The following CYP4Z1 variants were observed in gnomAD, a reference collection of about 807,000 sequenced individuals.
CYP4Z1 encodes the protein cytochrome P450 4Z1.
A neutral mutation model predicts 54.2 loss-of-function variants in CYP4Z1; 41 were observed. The observed-to-expected ratio is 0.76, with a 90% CI of 0.59 to 0.98. The LOEUF (loss-of-function observed/expected upper bound fraction) is 0.98. Ranked by LOEUF, CYP4Z1 falls within the 50% of genes least tolerant of loss-of-function variation. The pLI, the probability that CYP4Z1 is intolerant of heterozygous loss-of-function variation, is 0.00. For synonymous variants in CYP4Z1, 163 were observed against 206.2 expected (o/e 0.79, Z 1.79); for missense variants, 513 against 599.0 (o/e 0.86, Z 1.50).
chr1:47,116,087 A>G (rs1479629919), intron 10 of CYP4Z1, among the ~76,000 whole-genome samples: 1 of 152,120 alleles, frequency 6.6e-6, no homozygotes, highest in African/African-American at 2.4e-5. Context: ...GGGAGAGAAC[A>G]AGCACACTCC....
intron 6 of CYP4Z1, 103 bp from the exon 7 acceptor site, chr1:47,094,463 C>G (rs1644661952): frequency 2.6e-6 from 2 of 766,468 alleles, no homozygotes. Flanking sequence ...TGGGGGGCAG[C>G]CAGGGGCTAC....
In CYP4Z1 at chr1:47,086,204, T is replaced by C. The variant is rs1320396734; in HGVS notation, c.772+1226T>C. On this transcript the variant is annotated intron_variant, in intron 6 of 11. Coordinates refer to ENST00000334194, the MANE Select transcript of CYP4Z1 (RefSeq NM_178134.3). ...CATGATTTATAATCCTTTGGGTATA[T>C]ACCCAGTAATGGGATGGCTGGGTCA... Among the ~76,000 whole-genome samples the C allele has an allele frequency of 9.8e-5, 15 of 152,332 alleles. 1 individual carries two copies. The highest frequency in any genetic ancestry group is 3.6e-4 in the African/African-American group (15 of 41,570).
chr1:47,094,731 G>A lies in CYP4Z1; in HGVS notation c.876+62G>A, dbSNP rs188184570. On this transcript the variant is annotated intron_variant, in intron 7 of 11. Transcript: ENST00000334194. ...TAATTAAATAATAAAGAAATAGGCC[G>A]GGCACAGTGACTAGCACCTGTAATC... The A allele has an allele frequency of 4.0e-4, 509 of 1,275,890 alleles. No individual in the cohort carries two copies. The African/African-American group carries it at 7.0e-3, about 17-fold the overall frequency. The allele number at this position is 1,275,890 out of a possible 1,614,324, so 79.0% of individuals were successfully genotyped here. A position where few individuals can be genotyped will look rare whatever the true frequency, so the allele number is the denominator to read the frequency against.
intron 6 of CYP4Z1, among the ~76,000 whole-genome samples, chr1:47,086,021 A>G (rs1644591721): frequency 6.6e-6 from 1 of 151,664 alleles, no homozygotes. Flanking sequence ...AAGGACATGA[A>G]CTCATCCTTT....
chr1:47,064,057 A>T (rs971194915), upstream of CYP4Z1, among the ~76,000 whole-genome samples: 1 of 151,356 alleles, frequency 6.6e-6, no homozygotes, highest in East Asian at 1.9e-4. Context: ...CAGAAACCCT[A>T]CAAGTTAGAA....
At chr1:47,055,607 G>A in the CYP4Z1 span, among the ~76,000 whole-genome samples, 1 of 152,242 alleles carries the variant, frequency 6.6e-6, no homozygotes, top group African/African-American at 2.4e-5. Context: ...GCCTGTTACT[G>A]GTCTATTCAG....
chr1:47,056,000 A>C, the CYP4Z1 span, among the ~76,000 whole-genome samples: 1 of 151,832 alleles, frequency 6.6e-6, no homozygotes, highest in Non-Finnish European at 1.5e-5. Flanking sequence ...TAGTTCTTTT[A>C]ATTGTGATGT....
At chr1:47,087,957 TG>T (rs1644609909) in intron 6 of CYP4Z1, among the ~76,000 whole-genome samples, 1 of 152,208 alleles carries the variant, frequency 6.6e-6, no homozygotes, top group Non-Finnish European at 1.5e-5. Flanking sequence ...GAAAATCATG[TG>T]GTTTTTGTCT....
At chr1:47,099,668 T>C (rs1205094203) in intron 8 of CYP4Z1, among the ~76,000 whole-genome samples, 1 of 152,076 alleles carries the variant, frequency 6.6e-6, no homozygotes, top group Non-Finnish European at 1.5e-5. Context: ...AGTAAGATGT[T>C]CAATCACTTG....
At chr1:47,084,142 T>G (rs1306827241) in intron 4 of CYP4Z1, among the ~76,000 whole-genome samples, 1 of 152,190 alleles carries the variant, frequency 6.6e-6, no homozygotes, top group African/African-American at 2.4e-5. Flanking sequence ...TCTTGACTCT[T>G]AACTGCAAAC....
At position 47,118,004 on chromosome 1, in the gene CYP4Z1, T is replaced by C; in HGVS notation, c.*70T>C. The C allele has an allele frequency of 2.1e-6, 3 of 1,444,986 alleles. No individual in the cohort carries two copies. Among genetic ancestry groups the C allele is most frequent in the Non-Finnish European group, 2.8e-6 (3 of 1,058,028 alleles). 89.5% of individuals were successfully genotyped at this position (1,444,986 alleles called of 1,614,324 possible). A position where few individuals can be genotyped will look rare whatever the true frequency, so the allele number is the denominator to read the frequency against. ...CAAAGGAAGAACAAAAGGATAAATA[T>C]AATACAAAATATATGTATATGGTTG... On this transcript the variant is annotated 3_prime_UTR_variant, in exon 12 of 12. Transcript: ENST00000334194.
Position 47,067,381 on chromosome 1 carries a change from T to C in CYP4Z1, c.-110T>C, listed in dbSNP as rs1359833997. 3.4e-5 allele frequency: 32 copies of C among 952,286 alleles called. No individual in the cohort carries two copies. Among genetic ancestry groups the C allele is most frequent in the Non-Finnish European group, 4.5e-5 (31 of 696,390 alleles). The allele number at this position is 952,286 out of a possible 1,614,324, so 59.0% of individuals were successfully genotyped here. A position where few individuals can be genotyped will look rare whatever the true frequency, so the allele number is the denominator to read the frequency against. ...ATGTCCCCTCCCTGAATATGGCATTTTGAAAGCCCAGTGTTGCCCAGGGGG... is the reference window on the plus strand; with the variant it reads ...ATGTCCCCTCCCTGAATATGGCATTCTGAAAGCCCAGTGTTGCCCAGGGGG... On this transcript the variant is annotated 5_prime_UTR_variant, in exon 1 of 12. Transcript: ENST00000334194.
chr1:47,058,377 T>C, the CYP4Z1 span, among the ~76,000 whole-genome samples: 3 of 152,142 alleles, frequency 2.0e-5, no homozygotes, highest in African/African-American at 7.2e-5. Flanking sequence ...AAACATTTTC[T>C]GGTTCCCCTA....
At chr1:47,106,066 C>T (rs1241606988) in intron 8 of CYP4Z1, 62 bp from the exon 9 acceptor site, 2 of 1,545,528 alleles carry the variant, frequency 1.3e-6, no homozygotes, top group Admixed American at 2.1e-5. Context: ...AAAAGCTGGG[C>T]TTTCAGTGCA....
At chr1:47,103,709 C>T (rs1308564941) in intron 8 of CYP4Z1, among the ~76,000 whole-genome samples, 2 of 150,538 alleles carry the variant, frequency 1.3e-5, no homozygotes, top group African/African-American at 4.9e-5. Context: ...ATTCTCCTGC[C>T]TCAGACATTT....
At chr1:47,063,867 TC>T (rs577608384), upstream of CYP4Z1, among the ~76,000 whole-genome samples, 28 of 152,044 alleles carry the variant, frequency 1.8e-4, no homozygotes, top group Admixed American at 9.8e-4. Flanking sequence ...GATCTAGACA[TC>T]CCAATAAAAG....
chr1:47,095,630 T>C (rs990199250), intron 7 of CYP4Z1, among the ~76,000 whole-genome samples: 17 of 152,374 alleles, frequency 1.1e-4, no homozygotes, highest in Admixed American at 7.2e-4. Flanking sequence ...GTGCCAAGCA[T>C]CTTCAACCTT....
chr1:47,099,303 T>G lies in CYP4Z1; in HGVS notation c.1067+19T>G, dbSNP rs762742186. On this transcript the variant is annotated intron_variant, in intron 8 of 11. Transcript: ENST00000334194. Reference sequence around the variant, plus strand: ...TTACCTGGTAAGACCTGTATTCCTATTTCATCCTGAATTTTCCCCTTATAC... The same window carrying G: ...TTACCTGGTAAGACCTGTATTCCTAGTTCATCCTGAATTTTCCCCTTATAC... 5.1e-5 allele frequency: 79 copies of G among 1,560,066 alleles called. No individual in the cohort carries two copies. In the South Asian group the frequency reaches 7.7e-4, roughly 15 times the overall value.
Position 47,068,667 on chromosome 1 carries a change from A to G in CYP4Z1, c.223A>G (p.Lys75Glu). The G allele has an allele frequency of 6.2e-7, 1 of 1,614,132 alleles. No homozygotes were observed. Among genetic ancestry groups the G allele is most frequent in the Non-Finnish European group, 8.5e-7 (1 of 1,179,996 alleles). The change falls in exon 2 of 12, where the codon AAA (lysine) becomes GAA (glutamate). Residue 75 changes from lysine (K) to glutamate (E), a missense_variant. Coordinates refer to ENST00000334194, the MANE Select transcript of CYP4Z1 (RefSeq NM_178134.3). ...TGAGGTGTATCATAAGCTGATGGAA[A>G]AATACCCATGTGCTGTTCCCTTGTG... Reference protein sequence around the residue: ...EFEVYHKLMEKYPCAVPLWVG... With the variant: ...EFEVYHKLMEEYPCAVPLWVG...
Sources: allele counts gnomAD v4.1 joint callset (sites outside exome capture counted in the v4.1 genomes callset), GRCh38; gene constraint gnomAD v4.1.1; transcripts MANE v1.5; gene names NCBI Gene and HGNC (gene_info 2026-07-23, HGNC 2026-07-21).